The following PWP1 variants were observed in gnomAD, a reference collection of about 807,000 sequenced individuals.
PWP1 encodes periodic tryptophan protein 1 homolog.
PWP1 carries 47 observed loss-of-function variants against 69.9 expected under a neutral mutation model. The observed-to-expected ratio is 0.67, with a 90% CI of 0.53 to 0.86. The LOEUF (loss-of-function observed/expected upper bound fraction) is 0.86, where lower values mean the gene tolerates loss of function less well. PWP1 is among the 40% of genes least tolerant of loss of function. The pLI is 0.00. For synonymous variants in PWP1, 222 were observed against 208.2 expected, an observed-to-expected ratio of 1.07 and a Z score of -0.57; for missense variants, 551 against 608.8, an observed-to-expected ratio of 0.91 and a Z score of 1.00.
chr12:107,708,275 A>C (rs1348400173), intron 11 of PWP1, among the ~76,000 whole-genome samples: 1 of 152,186 alleles, frequency 6.6e-6, no homozygotes, highest in Non-Finnish European at 1.5e-5. Flanking sequence ...AGAAGAGCCA[A>C]GCCTTCTCTT....
At chr12:107,708,859 T>TA (rs1272336145) in intron 11 of PWP1, 67 bp from the exon 12 acceptor site, 39 of 1,401,430 alleles carry the variant, frequency 2.8e-5, no homozygotes, top group African/African-American at 8.5e-5. Flanking sequence ...CACTATGACT[T>TA]AGACTTTTTA....
rs533485700 is a variant in PWP1 at position 107,710,505 on chromosome 12, C to G, written c.1391C>G (p.Ser464Cys). 3 of 1,558,634 alleles carry G rather than the reference C, an allele frequency of 1.9e-6. No individual in the cohort carries two copies. The African/African-American group carries it at 4.2e-5, about 22-fold the overall frequency. The change falls in exon 14 of 15, where the codon TCT (serine) becomes TGT (cysteine). Residue 464 changes from serine to cysteine, a missense_variant. Coordinates refer to ENST00000412830, the MANE Select transcript of PWP1 (RefSeq NM_007062.3). ...GLRVWDISTV[S>C]SVNEAFGRRE... ...CGGGTCTGGGATATAAGCACAGTCT[C>G]TTCAGGTAAGGATTTTTAGTTCTCT...
intron 11 of PWP1, 53 bp from the exon 12 acceptor site, chr12:107,708,873 A>G: frequency 2.7e-6 from 4 of 1,492,120 alleles, no homozygotes; most frequent in East Asian, 4.5e-5. Flanking sequence ...CTTTTTACCC[A>G]TTGTTAGATT....
chr12:107,703,552 G>A (rs995319188), intron 9 of PWP1, 133 bp from the exon 10 acceptor site: 15 of 758,850 alleles, frequency 2.0e-5, no homozygotes, highest in Non-Finnish European at 3.2e-5. Flanking sequence ...GTACATTTAT[G>A]TTTCTTTTGT....
At position 107,712,385 on chromosome 12, in the gene PWP1, G is replaced by GTGCT; in HGVS notation, c.*170_*173dup. On this transcript the variant is annotated 3_prime_UTR_variant, in exon 15 of 15. Coordinates refer to ENST00000412830, the MANE Select transcript of PWP1 (RefSeq NM_007062.3). The stretch of plus-strand genomic sequence containing the variant: ...GTGGCACCACAAATATCCGGTCTTT[G>GTGCT]TGCTTGCTCTTCAGATGGATGGTTT... The GTGCT allele has an allele frequency of 1.8e-6, 1 of 549,422 alleles. No individual in the cohort carries two copies. 34.0% of individuals were successfully genotyped at this position (549,422 alleles called of 1,614,324 possible). A position where few individuals can be genotyped will look rare whatever the true frequency, so the allele number is the denominator to read the frequency against.
rs751189731 is a variant in PWP1 at position 107,693,056 on chromosome 12, T to C, written c.462T>C (p.Cys154=). The part of the protein sequence containing the change: ...LIKPSDNLIV[C]GRAEQDQCNL... ...AGCCCAGTGATAATCTTATAGTTTG[T>C]GGCCGAGCTGAACAGGACCAGTGCA... Residue 154 remains cysteine, a synonymous_variant, in exon 5 of 15, where the codon TGT becomes TGC. Coordinates refer to ENST00000412830, the MANE Select transcript of PWP1 (RefSeq NM_007062.3). 1 of 1,614,184 alleles carries C rather than the reference T, an allele frequency of 6.2e-7. No individual in the cohort carries two copies. The highest frequency in any genetic ancestry group is 2.2e-5 in the East Asian group (1 of 44,870).
At position 107,696,490 on chromosome 12, in the gene PWP1, A is replaced by C. The variant is rs149781500; in HGVS notation, c.519A>C (p.Glu173Asp). ...TCTTTTCAGTTTATAATCAAGAAGA[A>C]GACTCTTTTTATGTACACCATGATA... Reference protein sequence around the residue: ...NLEVHVYNQEEDSFYVHHDIL... With the variant: ...NLEVHVYNQEDDSFYVHHDIL... Residue 173 changes from glutamate to aspartate, a missense_variant, in exon 6 of 15, where the codon GAA becomes GAC. By Grantham distance (45) the Glu-to-Asp change is conservative (BLOSUM62 2). Coordinates refer to ENST00000412830, the MANE Select transcript of PWP1 (RefSeq NM_007062.3). 135 of 1,613,550 alleles carry C rather than the reference A, an allele frequency of 8.4e-5. No homozygotes were observed. In the African/African-American group the frequency reaches 1.3e-3, roughly 15 times the overall value.
intron 8 of PWP1, among the ~76,000 whole-genome samples, chr12:107,700,768 C>G (rs1200639005): frequency 6.6e-6 from 1 of 152,114 alleles, no homozygotes; most frequent in Non-Finnish European, 1.5e-5. Context: ...AATGGCTGCA[C>G]CATTTTACAT....
chr12:107,702,951 G>A lies in PWP1; in HGVS notation c.823G>A (p.Ala275Thr), dbSNP rs774029350. 13 of 1,608,092 alleles carry A rather than the reference G, an allele frequency of 8.1e-6. No homozygotes were observed. Among genetic ancestry groups the A allele is most frequent in the African/African-American group, 4.0e-5 (3 of 74,738 alleles). ...NKLIRNVLAS[A>T]SADNTVILWD... ...CTTTCTCAGAAATGTTTTAGCAAGT[G>A]CATCAGCTGACAACACTGTAATTCT... The change falls in exon 9 of 15, where the codon GCA becomes ACA. Residue 275 changes from alanine to threonine, a missense_variant. Transcript: ENST00000412830.
At chr12:107,697,814 T>TA in intron 7 of PWP1, 1 of 585,060 alleles carries the variant, frequency 1.7e-6, no homozygotes, top group Non-Finnish European at 3.2e-6. Context: ...TGTTCTTTCT[T>TA]ACACAAAACT....
chr12:107,708,702 C>G (rs1286369231), intron 11 of PWP1, among the ~76,000 whole-genome samples: 8 of 152,182 alleles, frequency 5.3e-5, no homozygotes. Context: ...CATTCCAGAC[C>G]ATTCACCACA....
chr12:107,691,561 C>G lies in PWP1; in HGVS notation c.320-1253C>G, dbSNP rs565833060. 3.3e-5 allele frequency among the ~76,000 whole-genome samples: 5 copies of G among 152,176 alleles called. No individual in the cohort carries two copies. The South Asian group carries it at 6.2e-4, about 19-fold the overall frequency. On this transcript the variant is annotated intron_variant, in intron 3 of 14. Transcript: ENST00000412830. ...GAAGCAATGAGGGCCTGGCTTGGGG[C>G]ACTAGGAATGAGGAGGAGGACATGG...
chr12:107,702,730 T>C (rs1889737262), intron 8 of PWP1, among the ~76,000 whole-genome samples: 1 of 152,232 alleles, frequency 6.6e-6, no homozygotes, highest in Admixed American at 6.5e-5. Flanking sequence ...TACATGAACA[T>C]GGGGTTTCTT....
chr12:107,711,490 C>T (rs1467844946), intron 14 of PWP1, among the ~76,000 whole-genome samples: 3 of 152,172 alleles, frequency 2.0e-5, no homozygotes, highest in Non-Finnish European at 4.4e-5. Flanking sequence ...CAACAAACAG[C>T]CCTCTCCCCC....
intron 14 of PWP1, among the ~76,000 whole-genome samples, chr12:107,711,094 C>T (rs145046287): frequency 7.4e-4 from 113 of 152,310 alleles, no homozygotes; most frequent in Admixed American, 5.1e-3. Context: ...TAGTCTTTAG[C>T]ATTGTTTCTA....
At chr12:107,703,850 C>T in intron 10 of PWP1, 104 bp downstream of exon 10, 1 of 1,043,190 alleles carries the variant, frequency 9.6e-7, no homozygotes, top group South Asian at 1.4e-5. Flanking sequence ...TTGAGGCCAC[C>T]TTTATGTTTA....
chr12:107,704,596 T>C (rs368506876), intron 10 of PWP1, 40 bp from the exon 11 acceptor site: 30 of 1,387,144 alleles, frequency 2.2e-5, no homozygotes, highest in Admixed American at 1.2e-4. Context: ...TATAGGAGAA[T>C]TGAACTCTTA....
intron 13 of PWP1, among the ~76,000 whole-genome samples, chr12:107,710,138 G>C (rs1889917231): frequency 6.6e-6 from 1 of 152,180 alleles, no homozygotes; most frequent in Admixed American, 6.5e-5. Context: ...GAGACAGAGT[G>C]ATAACGAAGA....
At chr12:107,712,002 T>G in intron 14 of PWP1, 109 bp from the exon 15 acceptor site, 2 of 821,362 alleles carry the variant, frequency 2.4e-6, no homozygotes, top group Non-Finnish European at 3.9e-6. Flanking sequence ...GGTTACTCAC[T>G]TTACCATTTA....
Sources: allele counts gnomAD v4.1 joint callset (sites outside exome capture counted in the v4.1 genomes callset), GRCh38; gene constraint gnomAD v4.1.1; transcripts MANE v1.5; gene names NCBI Gene and HGNC (gene_info 2026-07-23, HGNC 2026-07-21).